Variants in CRIPT observed in about 807,000 individuals in gnomAD.
CRIPT encodes CXXC repeat containing interactor of PDZ3 domain.
Under a neutral mutation model 16.6 loss-of-function variants are expected in CRIPT, and 20 were observed. The observed-to-expected ratio is 1.20, with a 90% CI of 0.85 to 1.75. The LOEUF (loss-of-function observed/expected upper bound fraction) is 1.75. Among genes scored for constraint, CRIPT ranks in the 40% most tolerant of loss-of-function variants. The pLI, the probability that CRIPT is intolerant of heterozygous loss-of-function variation, is 0.00. For missense variants in CRIPT, 133 were observed against 115.3 expected (o/e 1.15, Z -0.70); for synonymous variants, 42 against 37.0 (o/e 1.14, Z -0.49).
rs1193493758 is a variant in CRIPT at position 46,630,058 on chromosome 2, G to C, written c.*5831G>C. On this transcript the variant is annotated 3_prime_UTR_variant, in exon 5 of 5. Transcript: ENST00000238892. ...TGAGCCATTTGAATATTCCTTACTA[G>C]ATGTGGTGCCTCTTTACCCCAATTA... Among the ~76,000 whole-genome samples, 4 of 151,950 alleles carry C rather than the reference G, an allele frequency of 2.6e-5. No homozygotes were observed. The highest frequency in any genetic ancestry group is 5.9e-5 in the Non-Finnish European group (4 of 67,998).
Position 46,623,800 on chromosome 2 carries a change from T to G in CRIPT, c.174T>G (p.Cys58Trp). 1 of 1,610,532 alleles carries G rather than the reference T, an allele frequency of 6.2e-7. No individual in the cohort carries two copies. The part of the protein sequence containing the change: ...DPYGKNKFST[C>W]RICKSSVHQP... The stretch of plus-strand genomic sequence containing the variant: ...ATGGAAAGAATAAGTTCTCCACTTG[T>G]AGAATTTGTAAAAGTTCTGTGCACC... Residue 58 changes from cysteine to tryptophan, a missense_variant, in exon 4 of 5, where the codon TGT (cysteine) becomes TGG (tryptophan). By Grantham distance (215) the Cys-to-Trp change is radical. Transcript: ENST00000238892.
rs530390498 is a variant in CRIPT at position 46,624,799 on chromosome 2, T to A, written c.*572T>A. On this transcript the variant is annotated 3_prime_UTR_variant, in exon 5 of 5. Coordinates refer to ENST00000238892, the MANE Select transcript of CRIPT (RefSeq NM_014171.6). ...TGTTCTTGCAGCCAAAGTGCCAGTT[T>A]CTTTAATATGTGACCAAGAACACAA... 2 of 152,344 alleles carry A rather than the reference T, an allele frequency of 1.3e-5. No individual in the cohort carries two copies. The highest frequency in any genetic ancestry group is 6.5e-5 in the Admixed American group (1 of 15,296). 9.4% of individuals were successfully genotyped at this position (152,344 alleles called of 1,614,324 possible). A position where few individuals can be genotyped will look rare whatever the true frequency, so the allele number is the denominator to read the frequency against.
Position 46,627,416 on chromosome 2 carries a change from A to G in CRIPT, c.*3189A>G, listed in dbSNP as rs1444804891. ...TCGTAGGTTTTCTTCTAGGACTCTTATAGCTTGAAGTCTTACATTTAAATC... is the reference window on the plus strand; with the variant it reads ...TCGTAGGTTTTCTTCTAGGACTCTTGTAGCTTGAAGTCTTACATTTAAATC... On this transcript the variant is annotated 3_prime_UTR_variant, in exon 5 of 5. Transcript: ENST00000238892. Among the ~76,000 whole-genome samples the G allele has an allele frequency of 2.7e-5, 4 of 150,794 alleles. No homozygotes were observed. Among genetic ancestry groups the G allele is most frequent in the Admixed American group, 6.6e-5 (1 of 15,148 alleles).
At position 46,629,379 on chromosome 2, in the gene CRIPT, A is replaced by G. The variant is rs1356311034; in HGVS notation, c.*5152A>G. On this transcript the variant is annotated 3_prime_UTR_variant, in exon 5 of 5. Transcript: ENST00000238892. ...TTACCCAAGTACAGCTATCAAGTTC[A>G]GAAATTTAACATTGCCATAATACTT... 1.3e-5 allele frequency among the ~76,000 whole-genome samples: 2 copies of G among 152,350 alleles called. No individual in the cohort carries two copies. The highest frequency in any genetic ancestry group is 1.5e-5 in the Non-Finnish European group (1 of 68,024).
At chr2:46,624,024 A>T (rs1299590876) in intron 4 of CRIPT, 139 bp from the exon 5 acceptor site, 5 of 425,956 alleles carry the variant, frequency 1.2e-5, no homozygotes, top group Middle Eastern at 7.1e-4. Context: ...TATAATTAAA[A>T]TTATATATAT....
At position 46,626,897 on chromosome 2, in the gene CRIPT, A is replaced by G. The variant is rs1246121492; in HGVS notation, c.*2670A>G. On this transcript the variant is annotated 3_prime_UTR_variant, in exon 5 of 5. Transcript: ENST00000238892. ...ACCCAGGCTAGAGTGCAATGGCACC[A>G]TCTCAGCTCACTGCAACCTCCACCT... Among the ~76,000 whole-genome samples the G allele has an allele frequency of 6.6e-6, 1 of 152,110 alleles. No homozygotes were observed. Among genetic ancestry groups the G allele is most frequent in the Non-Finnish European group, 1.5e-5 (1 of 68,028 alleles).
chr2:46,623,364 C>A (rs555442431), intron 3 of CRIPT, among the ~76,000 whole-genome samples: 1 of 152,280 alleles, frequency 6.6e-6, no homozygotes, highest in Admixed American at 6.5e-5. Flanking sequence ...AGTTGTCTTA[C>A]CCATACCTAA....
In CRIPT at chr2:46,629,537, T is replaced by G. The variant is rs1040614217; in HGVS notation, c.*5310T>G. Among the ~76,000 whole-genome samples, 8 of 152,232 alleles carry G rather than the reference T, an allele frequency of 5.3e-5. No individual in the cohort carries two copies. The highest frequency in any genetic ancestry group is 1.9e-4 in the African/African-American group (8 of 41,466). On this transcript the variant is annotated 3_prime_UTR_variant, in exon 5 of 5. Transcript: ENST00000238892. ...CAGTTCCTCAGCTTTTCTTTGTTTTTTATAATAGTAATATATTTGAAAAAT... is the reference window on the plus strand; with the variant it reads ...CAGTTCCTCAGCTTTTCTTTGTTTTGTATAATAGTAATATATTTGAAAAAT...
chr2:46,624,249 CT>C lies in CRIPT; in HGVS notation c.*25del. 2 of 1,506,138 alleles carry C rather than the reference CT, an allele frequency of 1.3e-6. No homozygotes were observed. The highest frequency in any genetic ancestry group is 1.8e-6 in the Non-Finnish European group (2 of 1,112,516). The allele number at this position is 1,506,138 out of a possible 1,614,324, so 93.3% of individuals were successfully genotyped here. A position where few individuals can be genotyped will look rare whatever the true frequency, so the allele number is the denominator to read the frequency against. ...CTAGATGTATTGATGGAATTTCTGG[CT>C]TTCTAAATGATTTTACTTTCTGCCT... On this transcript the variant is annotated 3_prime_UTR_variant, in exon 5 of 5. Transcript: ENST00000238892.
rs1038452962 is a variant in CRIPT, at chr2:46,627,809, T to A, written c.*3582T>A. Among the ~76,000 whole-genome samples the A allele has an allele frequency of 1.3e-5, 2 of 152,308 alleles. No homozygotes were observed. The highest frequency in any genetic ancestry group is 4.1e-4 in the South Asian group (2 of 4,832). On this transcript the variant is annotated 3_prime_UTR_variant, in exon 5 of 5. Coordinates refer to ENST00000238892, the MANE Select transcript of CRIPT (RefSeq NM_014171.6). ...ATATATATGGTGAAAGGGGTCCAGT[T>A]TGAGTCTTCTGCATATGGCTAGACA...
chr2:46,622,143 G>A (rs1325908110), intron 3 of CRIPT, among the ~76,000 whole-genome samples: 1 of 152,096 alleles, frequency 6.6e-6, no homozygotes, highest in Non-Finnish European at 1.5e-5. Flanking sequence ...GCCGAGGCAG[G>A]CGGATCACAA....
chr2:46,620,368 T>C (rs1670770929), intron 3 of CRIPT, among the ~76,000 whole-genome samples: 3 of 152,038 alleles, frequency 2.0e-5, no homozygotes, highest in Admixed American at 1.3e-4. Flanking sequence ...GATCACTTGA[T>C]CCCAGGGAGG....
chr2:46,619,510 G>T, intron 2 of CRIPT, 117 bp from the exon 3 acceptor site: 8 of 592,552 alleles, frequency 1.4e-5, no homozygotes, highest in South Asian at 1.1e-4. Context: ...ATTAAATGAG[G>T]ATTTAAAAAT....
rs1426031046 is a variant in CRIPT, at chr2:46,624,240, A to C, written c.*13A>C. ...AACATCTGTCTAGATGTATTGATGG[A>C]ATTTCTGGCTTTCTAAATGATTTTA... is the stretch of plus-strand genomic sequence containing the variant. On this transcript the variant is annotated 3_prime_UTR_variant, in exon 5 of 5. Transcript: ENST00000238892. The C allele has an allele frequency of 2.0e-6, 3 of 1,530,668 alleles. No individual in the cohort carries two copies. Among genetic ancestry groups the C allele is most frequent in the African/African-American group, 1.4e-5 (1 of 72,734 alleles). 94.8% of individuals were successfully genotyped at this position (1,530,668 alleles called of 1,614,324 possible).
chr2:46,617,652 T>A (rs1342017560), intron 1 of CRIPT, among the ~76,000 whole-genome samples: 1 of 152,188 alleles, frequency 6.6e-6, no homozygotes, highest in African/African-American at 2.4e-5. Context: ...TAAGAAGTAT[T>A]GTTCTCCTGC....
chr2:46,617,557 C>T (rs1231431643), intron 1 of CRIPT, among the ~76,000 whole-genome samples: 1 of 152,180 alleles, frequency 6.6e-6, no homozygotes, highest in Non-Finnish European at 1.5e-5. Context: ...ATCTCATCAG[C>T]TCTCCTCCCA....
rs1670932656 is a variant in CRIPT, at chr2:46,626,103, C to T, written c.*1876C>T. 6.6e-6 allele frequency among the ~76,000 whole-genome samples: 1 copy of T among 152,240 alleles called. No homozygotes were observed. The highest frequency in any genetic ancestry group is 2.4e-5 in the African/African-American group (1 of 41,532). Reference sequence around the variant, plus strand: ...TTTTCACCCCTTCCCTCCCCTCTTCCCTCCAGTAGTCCCCTATGTCTGTTC... The same window carrying T: ...TTTTCACCCCTTCCCTCCCCTCTTCTCTCCAGTAGTCCCCTATGTCTGTTC... On this transcript the variant is annotated 3_prime_UTR_variant, in exon 5 of 5. Transcript: ENST00000238892.
rs180682024 is a variant in CRIPT, at chr2:46,626,602, G to A, written c.*2375G>A. Among the ~76,000 whole-genome samples the A allele has an allele frequency of 3.0e-4, 45 of 152,164 alleles. No homozygotes were observed. Among genetic ancestry groups the A allele is most frequent in the Admixed American group, 6.5e-4 (10 of 15,294 alleles). On this transcript the variant is annotated 3_prime_UTR_variant, in exon 5 of 5. Coordinates refer to ENST00000238892, the MANE Select transcript of CRIPT (RefSeq NM_014171.6). The stretch of plus-strand genomic sequence containing the variant: ...GGCTTCTACAGTGTTGAAGCATTCC[G>A]TTTTTCCCACAGCCTCACCAGCATC...
intron 3 of CRIPT, among the ~76,000 whole-genome samples, chr2:46,620,168 G>T (rs547461605): frequency 6.6e-6 from 1 of 152,264 alleles, no homozygotes; most frequent in East Asian, 1.9e-4. Context: ...TAAAAATTCG[G>T]CTGGGTAAGG....
Sources: allele counts gnomAD v4.1 joint callset (sites outside exome capture counted in the v4.1 genomes callset), GRCh38; gene constraint gnomAD v4.1.1; transcripts MANE v1.5; gene names NCBI Gene and HGNC (gene_info 2026-07-23, HGNC 2026-07-21).